SLC44A5: variants seen among roughly 807,000 people sequenced by gnomAD.
SLC44A5 encodes the protein choline transporter-like protein 5.
Under a neutral mutation model 101.8 loss-of-function variants are expected in SLC44A5, and 57 were observed. The observed-to-expected ratio is 0.56, with a 90% CI of 0.45 to 0.70. SLC44A5 has a LOEUF of 0.70. Ranked by LOEUF, SLC44A5 falls within the 30% of genes least tolerant of loss-of-function variation. The pLI is 0.00. For synonymous variants in SLC44A5, 281 were observed against 290.9 expected, an observed-to-expected ratio of 0.97 and a Z score of 0.35; for missense variants, 737 against 853.1, an observed-to-expected ratio of 0.86 and a Z score of 1.70.
At chr1:75,615,220 T>C (rs1675817141), upstream of SLC44A5, among the ~76,000 whole-genome samples, 1 of 151,808 alleles carries the variant, frequency 6.6e-6, no homozygotes, top group South Asian at 2.1e-4. Context: ...GAGCAGGAAG[T>C]AGCCTGCAGG....
chr1:75,424,183 C>A (rs1047080467), intron 2 of SLC44A5, among the ~76,000 whole-genome samples: 1 of 152,158 alleles, frequency 6.6e-6, no homozygotes, highest in Non-Finnish European at 1.5e-5. Context: ...CATATAGAAC[C>A]GATGACTCTC....
chr1:75,698,454 A>G, the SLC44A5 span, among the ~76,000 whole-genome samples: 9 of 152,190 alleles, frequency 5.9e-5, no homozygotes, highest in Admixed American at 4.6e-4. Flanking sequence ...TGTCTGTTAG[A>G]AGGAAAACTA....
chr1:75,386,812 C>T (rs1345802838), intron 3 of SLC44A5, among the ~76,000 whole-genome samples: 8 of 151,972 alleles, frequency 5.3e-5, no homozygotes, highest in East Asian at 1.9e-4. Context: ...TCAAACTATA[C>T]TACAAGGCTA....
the SLC44A5 span, among the ~76,000 whole-genome samples, chr1:75,673,570 C>T: frequency 6.6e-6 from 1 of 152,118 alleles, no homozygotes; most frequent in Admixed American, 6.5e-5. Flanking sequence ...CTTGAGTGAA[C>T]ATAGGTGGTA....
chr1:75,445,679 C>T (rs1206434892), intron 2 of SLC44A5, among the ~76,000 whole-genome samples: 5 of 151,770 alleles, frequency 3.3e-5, no homozygotes, highest in Middle Eastern at 6.3e-3. Context: ...CTCACCTACT[C>T]CCAGGGCTTT....
chr1:75,533,043 T>C (rs1350755466), intron 2 of SLC44A5, among the ~76,000 whole-genome samples: 5 of 152,332 alleles, frequency 3.3e-5, no homozygotes, highest in Admixed American at 2.0e-4. Context: ...CATTCCATGC[T>C]CTACTCAAAT....
intron 4 of SLC44A5, among the ~76,000 whole-genome samples, chr1:75,322,982 G>A (rs1429367490): frequency 1.3e-5 from 2 of 151,728 alleles, no homozygotes; most frequent in Non-Finnish European, 2.9e-5. Context: ...GGGTACATGT[G>A]CACATTGTGC....
intron 2 of SLC44A5, among the ~76,000 whole-genome samples, chr1:75,398,200 C>T (rs574346750): frequency 6.6e-6 from 1 of 152,280 alleles, no homozygotes; most frequent in South Asian, 2.1e-4. Flanking sequence ...ATTCGAGGTT[C>T]ATGGTTATCT....
intron 1 of SLC44A5, among the ~76,000 whole-genome samples, chr1:75,601,222 G>T (rs1251700640): frequency 6.6e-6 from 1 of 152,094 alleles, no homozygotes; most frequent in Non-Finnish European, 1.5e-5. Flanking sequence ...CATGTCATTT[G>T]CAGGGACATG....
At chr1:75,485,737 G>C (rs1358220908) in intron 2 of SLC44A5, among the ~76,000 whole-genome samples, 17 of 152,132 alleles carry the variant, frequency 1.1e-4, no homozygotes, top group Non-Finnish European at 1.0e-4. Context: ...CTGAGAGTGG[G>C]TAATTTATAA....
rs371776135 is a variant in SLC44A5 at position 75,543,227 on chromosome 1, A to C, written c.-69-1711T>G. Among the ~76,000 whole-genome samples, 15 of 152,278 alleles carry C rather than the reference A, an allele frequency of 9.9e-5. No individual in the cohort carries two copies. In the East Asian group the frequency reaches 1.5e-3, roughly 16 times the overall value. On this transcript the variant is annotated intron_variant, in intron 1 of 23. Transcript: ENST00000370859. ...TTGTGTTGTTACAAGCTGAACATCA[A>C]AAAGCTGTATTTCACTTCTACAATA...
intron 2 of SLC44A5, among the ~76,000 whole-genome samples, chr1:75,417,311 C>T (rs1329765275): frequency 6.6e-6 from 1 of 152,200 alleles, no homozygotes; most frequent in Non-Finnish European, 1.5e-5. Flanking sequence ...TAAGATGTGA[C>T]TTGGTCCTCC....
At chr1:75,266,102 A>T (rs1432117286) in intron 6 of SLC44A5, among the ~76,000 whole-genome samples, 2 of 152,138 alleles carry the variant, frequency 1.3e-5, no homozygotes, top group Non-Finnish European at 2.9e-5. Context: ...TAGATAAAGC[A>T]CAAAAGGCCA....
intron 2 of SLC44A5, among the ~76,000 whole-genome samples, chr1:75,524,661 G>A (rs897295673): frequency 2.6e-5 from 4 of 152,090 alleles, no homozygotes; most frequent in Non-Finnish European, 2.9e-5. Flanking sequence ...AAGAGAATGC[G>A]AAAATAAAGT....
chr1:75,323,791 A>G (rs1053114749), intron 4 of SLC44A5, among the ~76,000 whole-genome samples: 4 of 152,188 alleles, frequency 2.6e-5, no homozygotes, highest in Non-Finnish European at 4.4e-5. Context: ...GTTTATCTCT[A>G]AAGTTTATCT....
chr1:75,558,649 C>T (rs1047749413), intron 1 of SLC44A5, among the ~76,000 whole-genome samples: 7 of 151,998 alleles, frequency 4.6e-5, no homozygotes, highest in East Asian at 1.9e-4. Context: ...AGGAAATGAA[C>T]GATGCATCAT....
chr1:75,599,395 G>C (rs977861406), intron 1 of SLC44A5, among the ~76,000 whole-genome samples: 2 of 152,152 alleles, frequency 1.3e-5, no homozygotes, highest in African/African-American at 4.8e-5. Flanking sequence ...AAGTGGACCA[G>C]AGCGACACTC....
intron 1 of SLC44A5, among the ~76,000 whole-genome samples, chr1:75,550,878 G>A (rs1193012237): frequency 6.6e-6 from 1 of 152,082 alleles, no homozygotes; most frequent in African/African-American, 2.4e-5. Flanking sequence ...CCCAGTCTAG[G>A]ATATCCTATG....
At chr1:75,682,496 C>A in the SLC44A5 span, among the ~76,000 whole-genome samples, 50,677 of 150,962 alleles carry the variant, frequency 0.34, 8,798 homozygotes, top group East Asian at 0.67. Flanking sequence ...GAAAAACAAG[C>A]AATGGGGAAA....
Sources: allele counts gnomAD v4.1 joint callset (sites outside exome capture counted in the v4.1 genomes callset), GRCh38; gene constraint gnomAD v4.1.1; transcripts MANE v1.5; gene names NCBI Gene and HGNC (gene_info 2026-07-23, HGNC 2026-07-21).